The following ENOX1 variants were observed in gnomAD, a reference collection of about 807,000 sequenced individuals.
ENOX1 encodes the protein candidate growth-related and time keeping constitutive hydroquinone (NADH) oxidase.
In ENOX1, 42 loss-of-function variants were observed where a neutral mutation model predicts 82.5. The ratio of observed to expected loss-of-function variants is 0.51; its 90% CI spans 0.40 to 0.66. The LOEUF (loss-of-function observed/expected upper bound fraction) is 0.66, where lower values mean the gene tolerates loss of function less well. Ranked by LOEUF, ENOX1 falls within the 30% of genes least tolerant of loss-of-function variation. The pLI, the probability that ENOX1 is intolerant of heterozygous loss-of-function variation, is 0.00. For synonymous variants in ENOX1, 271 were observed against 282.2 expected (o/e 0.96, Z 0.40); for missense variants, 608 against 811.6 (o/e 0.75, Z 3.05).
intron 14 of ENOX1, among the ~76,000 whole-genome samples, chr13:43,252,291 T>C (rs2043502657): frequency 6.6e-6 from 1 of 152,090 alleles, no homozygotes; most frequent in Non-Finnish European, 1.5e-5. Flanking sequence ...TTTGAGGTTT[T>C]TCTTGGAAAA....
intron 8 of ENOX1, among the ~76,000 whole-genome samples, chr13:43,345,610 A>T (rs186125451): frequency 6.6e-6 from 1 of 152,308 alleles, no homozygotes; most frequent in East Asian, 1.9e-4. Flanking sequence ...GAGAAAAAGA[A>T]AGTTTGTGGG....
chr13:43,346,097 C>T lies in ENOX1; in HGVS notation c.824-1347G>A, dbSNP rs17633189. Among the ~76,000 whole-genome samples the T allele has an allele frequency of 1.3e-3, 199 of 152,290 alleles. 4 individuals are homozygous for T. The East Asian group carries it at 0.025, about 19-fold the overall frequency. On this transcript the variant is annotated intron_variant, in intron 8 of 16. Coordinates refer to ENST00000690772, the MANE Select transcript of ENOX1 (RefSeq NM_001347969.2). The stretch of plus-strand genomic sequence containing the variant: ...TACACATCATACGAAACCTTCCCAC[C>T]GTTGAGTGCTTTGTAAATTTATAGG...
chr13:43,553,521 C>T (rs2079297291), intron 2 of ENOX1, among the ~76,000 whole-genome samples: 1 of 152,140 alleles, frequency 6.6e-6, no homozygotes, highest in African/African-American at 2.4e-5. Context: ...TTTTTGATGT[C>T]ATTTGTACGA....
At chr13:43,761,493 A>G (rs1168420715) in intron 1 of ENOX1, among the ~76,000 whole-genome samples, 1 of 152,198 alleles carries the variant, frequency 6.6e-6, no homozygotes. Context: ...CTACCTACAC[A>G]CTTCCACAGA....
At chr13:43,623,154 G>T (rs1226655915) in intron 2 of ENOX1, among the ~76,000 whole-genome samples, 1 of 152,060 alleles carries the variant, frequency 6.6e-6, no homozygotes, top group Non-Finnish European at 1.5e-5. Flanking sequence ...AGAGCAATAC[G>T]AGTCTGAAAA....
intron 9 of ENOX1, among the ~76,000 whole-genome samples, chr13:43,340,244 T>G (rs2048975313): frequency 6.6e-6 from 1 of 152,232 alleles, no homozygotes; most frequent in Non-Finnish European, 1.5e-5. Flanking sequence ...GGTTGCTCAA[T>G]GAGATATGCA....
At chr13:43,378,380 C>G (rs1012983841) in intron 5 of ENOX1, among the ~76,000 whole-genome samples, 1 of 152,180 alleles carries the variant, frequency 6.6e-6, no homozygotes, top group African/African-American at 2.4e-5. Flanking sequence ...TGCACACAAA[C>G]ACATCTCTCC....
chr13:43,773,652 A>G (rs1951771787), intron 1 of ENOX1, among the ~76,000 whole-genome samples: 1 of 152,234 alleles, frequency 6.6e-6, no homozygotes, highest in Non-Finnish European at 1.5e-5. Context: ...ACTCTTCCAT[A>G]TAAGCCTCCT....
rs188466740 is a variant in ENOX1, at chr13:43,556,948, A to G, written c.-218-72796T>C. ...GGGGAGAGGGTAAAAGACCTGAGCTACATAGAATTTGAATAAGTGAAAAAG... is the reference window on the plus strand; with the variant it reads ...GGGGAGAGGGTAAAAGACCTGAGCTGCATAGAATTTGAATAAGTGAAAAAG... On this transcript the variant is annotated intron_variant, in intron 2 of 16. Transcript: ENST00000690772. Among the ~76,000 whole-genome samples the G allele has an allele frequency of 5.9e-5, 9 of 152,358 alleles. No homozygotes were observed. The East Asian group carries it at 1.5e-3, about 26-fold the overall frequency.
intron 1 of ENOX1, among the ~76,000 whole-genome samples, chr13:43,780,969 C>T (rs1229954922): frequency 6.6e-6 from 1 of 152,212 alleles, no homozygotes; most frequent in Non-Finnish European, 1.5e-5. Flanking sequence ...CCCTCCAGCA[C>T]CAACTAAACA....
intron 11 of ENOX1, among the ~76,000 whole-genome samples, chr13:43,317,072 A>C (rs940190776): frequency 6.6e-6 from 1 of 152,184 alleles, no homozygotes; most frequent in African/African-American, 2.4e-5. Context: ...TTATCCTTCT[A>C]TGCTTCCACT....
chr13:43,257,215 TAG>T (rs1433438266), intron 14 of ENOX1, among the ~76,000 whole-genome samples: 1 of 152,128 alleles, frequency 6.6e-6, no homozygotes, highest in Admixed American at 6.6e-5. Context: ...TTAGATAGGA[TAG>T]AGTGTGATAG....
At chr13:43,748,713 G>A (rs1037120684) in intron 1 of ENOX1, among the ~76,000 whole-genome samples, 2 of 151,952 alleles carry the variant, frequency 1.3e-5, no homozygotes, top group Non-Finnish European at 2.9e-5. Flanking sequence ...CTAAATAATG[G>A]ATACAAAGTA....
chr13:43,639,154 A>G (rs2083524951), intron 2 of ENOX1, among the ~76,000 whole-genome samples: 1 of 152,042 alleles, frequency 6.6e-6, no homozygotes, highest in Non-Finnish European at 1.5e-5. Flanking sequence ...AAACACAAAA[A>G]ATTAGCTGGC....
At chr13:43,689,276 A>G (rs773268234) in intron 1 of ENOX1, among the ~76,000 whole-genome samples, 2 of 152,210 alleles carry the variant, frequency 1.3e-5, no homozygotes, top group African/African-American at 2.4e-5. Context: ...AATAAAAGTG[A>G]TTCAGGCAAC....
chr13:43,690,828 C>A (rs1323200883), intron 1 of ENOX1, among the ~76,000 whole-genome samples: 1 of 152,240 alleles, frequency 6.6e-6, no homozygotes, highest in East Asian at 1.9e-4. Flanking sequence ...ACTGAGAAAC[C>A]ACTACTTGTT....
chr13:43,614,546 T>TTTTG (rs2082326978), intron 2 of ENOX1, among the ~76,000 whole-genome samples: 1 of 150,784 alleles, frequency 6.6e-6, no homozygotes, highest in Non-Finnish European at 1.5e-5. Context: ...AAAGGGCTTT[T>TTTTG]TTTTTTTTTT....
intron 10 of ENOX1, among the ~76,000 whole-genome samples, chr13:43,323,546 T>C (rs1311121802): frequency 1.3e-5 from 2 of 152,222 alleles, no homozygotes; most frequent in Admixed American, 6.5e-5. Context: ...AGTATTTATA[T>C]TATTATTTTG....
chr13:43,606,896 T>C (rs1296988726), intron 2 of ENOX1, among the ~76,000 whole-genome samples: 1 of 152,088 alleles, frequency 6.6e-6, no homozygotes, highest in Admixed American at 6.6e-5. Flanking sequence ...CATGTGCCTG[T>C]AGTCCCAGCT....
Sources: gnomAD v4.1 joint callset for allele counts (sites outside exome capture counted in the v4.1 genomes callset) on GRCh38, gnomAD v4.1.1 for gene constraint, MANE v1.5 for transcripts, NCBI Gene and HGNC (gene_info 2026-07-23, HGNC 2026-07-21) for gene names.